EP400: variants seen among roughly 807,000 people sequenced by gnomAD.
EP400 encodes E1A-binding protein p400.
EP400 carries 105 observed loss-of-function variants against 354.1 expected under a neutral mutation model. The observed-to-expected ratio is 0.30, with a 90% CI of 0.25 to 0.35. The LOEUF is 0.35. EP400 is among the 10% of genes least tolerant of loss of function. EP400 has a pLI of 1.00. For missense variants in EP400, 3,280 were observed against 4,121.0 expected, an observed-to-expected ratio of 0.80 and a Z score of 5.59; for synonymous variants, 1,646 against 1,716.9, an observed-to-expected ratio of 0.96 and a Z score of 1.02.
chr12:132,065,470 G>C (rs112350839), intron 48 of EP400: 3,703 of 155,040 alleles, frequency 0.024, 161 homozygotes, highest in African/African-American at 0.084. Context: ...CTCACCCTGA[G>C]CTAGACTTTG....
At chr12:131,984,025 C>T (rs990645397) in intron 5 of EP400, among the ~76,000 whole-genome samples, 6 of 151,954 alleles carry the variant, frequency 3.9e-5, no homozygotes, top group Admixed American at 1.3e-4. Context: ...CCTCAGCTCC[C>T]GAGTAGCTGG....
At position 132,013,993 on chromosome 12, in the gene EP400, G is replaced by A; in HGVS notation, c.3923+80G>A. ...AACGGCCCTTTCTGTGGCCTCAGCA[G>A]AAAGCTCCTTTCCGCAAGGATTGGG... On this transcript the variant is annotated intron_variant, in intron 19 of 52. Coordinates refer to ENST00000389561, the MANE Select transcript of EP400 (RefSeq NM_015409.5). The surrounding 1 kb of genome is among the most constrained non-coding windows in gnomAD (Gnocchi z 4.5). 2 of 1,562,852 alleles carry A rather than the reference G, an allele frequency of 1.3e-6. No homozygotes were observed. Among genetic ancestry groups the A allele is most frequent in the Non-Finnish European group, 1.7e-6 (2 of 1,154,306 alleles).
At chr12:132,057,040 T>C (rs1895537343) in intron 45 of EP400, among the ~76,000 whole-genome samples, 1 of 152,178 alleles carries the variant, frequency 6.6e-6, no homozygotes, top group Admixed American at 6.5e-5. Flanking sequence ...CTGGCAGTCA[T>C]GGAAGCAGCG....
At chr12:132,011,709 T>G in intron 16 of EP400, 75 bp downstream of exon 16, 1 of 1,465,772 alleles carries the variant, frequency 6.8e-7, no homozygotes, top group Non-Finnish European at 9.2e-7. Context: ...CATTAAAAAA[T>G]GTGAAGACAT....
intron 30 of EP400, among the ~76,000 whole-genome samples, chr12:132,032,827 T>C (rs1228450754): frequency 6.6e-6 from 1 of 152,036 alleles, no homozygotes; most frequent in Non-Finnish European, 1.5e-5. Flanking sequence ...GACGGAGTTT[T>C]ACCACATTGG....
intron 2 of EP400, among the ~76,000 whole-genome samples, chr12:131,979,199 G>A (rs1298590104): frequency 6.7e-6 from 1 of 149,312 alleles, no homozygotes; most frequent in Non-Finnish European, 1.5e-5. Context: ...GTGACAGAGC[G>A]AGACTCCGTC....
chr12:132,056,698 C>G (rs1006198376), intron 45 of EP400, among the ~76,000 whole-genome samples: 1 of 152,190 alleles, frequency 6.6e-6, no homozygotes, highest in Non-Finnish European at 1.5e-5. Context: ...GCAGAGATTT[C>G]TTAGGATACC....
Position 132,013,450 on chromosome 12 carries a change from G to A in EP400, c.3612-40G>A. 6.6e-7 allele frequency: 1 copy of A among 1,522,084 alleles called. No homozygotes were observed. Among genetic ancestry groups the A allele is most frequent in the Non-Finnish European group, 8.8e-7 (1 of 1,134,992 alleles). The allele number at this position is 1,522,084 out of a possible 1,614,324, so 94.3% of individuals were successfully genotyped here. A position where few individuals can be genotyped will look rare whatever the true frequency, so the allele number is the denominator to read the frequency against. ...AAGATGCTGCTGCAGCCAGCCCCGT[G>A]GCTGTAGAACTCCAGTGTTGTCTCT... is the stretch of plus-strand genomic sequence containing the variant. On this transcript the variant is annotated intron_variant, in intron 17 of 52. Coordinates refer to ENST00000389561, the MANE Select transcript of EP400 (RefSeq NM_015409.5). The surrounding 1 kb of genome is among the most constrained non-coding windows in gnomAD (Gnocchi z 4.5).
intron 2 of EP400, among the ~76,000 whole-genome samples, chr12:131,967,738 A>G (rs912598995): frequency 1.3e-5 from 2 of 151,934 alleles, no homozygotes; most frequent in African/African-American, 4.8e-5. Flanking sequence ...ACTTTCTCAA[A>G]GTGCCTGTAC....
In EP400 at chr12:132,027,665, A is replaced by G; in HGVS notation, c.5109+134A>G. 1.3e-6 allele frequency: 1 copy of G among 748,832 alleles called. No homozygotes were observed. Among genetic ancestry groups the G allele is most frequent in the Admixed American group, 3.3e-5 (1 of 30,268 alleles). 46.4% of individuals were successfully genotyped at this position (748,832 alleles called of 1,614,324 possible). On this transcript the variant is annotated intron_variant, in intron 26 of 52. Coordinates refer to ENST00000389561, the MANE Select transcript of EP400 (RefSeq NM_015409.5). This position sits in a 1 kb window ranked among gnomAD's most constrained non-coding sequence, Gnocchi z 4.9. Reference sequence around the variant, plus strand: ...TGTTACTGAATTCTTATTTTAAAACACACATTTTCTAATAAAATAAATGAA... The same window carrying G: ...TGTTACTGAATTCTTATTTTAAAACGCACATTTTCTAATAAAATAAATGAA...
chr12:132,051,920 G>T (rs1277380435), intron 41 of EP400, among the ~76,000 whole-genome samples: 2 of 152,150 alleles, frequency 1.3e-5, no homozygotes, highest in African/African-American at 4.8e-5. Flanking sequence ...CTTCCCAGAC[G>T]CTGGCGTTAC....
At chr12:132,043,970 C>T (rs1467797583) in intron 34 of EP400, among the ~76,000 whole-genome samples, 1 of 152,158 alleles carries the variant, frequency 6.6e-6, no homozygotes, top group Non-Finnish European at 1.5e-5. Flanking sequence ...CTTGTTCTAC[C>T]CCTGTAGGGA....
chr12:131,969,151 T>C (rs1892206004), intron 2 of EP400, among the ~76,000 whole-genome samples: 1 of 152,186 alleles, frequency 6.6e-6, no homozygotes, highest in Non-Finnish European at 1.5e-5. Context: ...TAACTGTAGA[T>C]TTTGCAGATG....
chr12:131,986,168 G>A (rs1337707350), intron 5 of EP400, among the ~76,000 whole-genome samples: 1 of 151,716 alleles, frequency 6.6e-6, no homozygotes, highest in Admixed American at 6.6e-5. Context: ...TAGAGATGGG[G>A]TCTTTCTTTG....
chr12:131,977,869 G>A (rs1892537945), intron 2 of EP400, among the ~76,000 whole-genome samples: 1 of 152,192 alleles, frequency 6.6e-6, no homozygotes, highest in African/African-American at 2.4e-5. Context: ...TGGTGGCTGT[G>A]TGGTGGCCCT....
In EP400 at chr12:132,017,844, C is replaced by A; in HGVS notation, c.4110+123C>A. 1.8e-6 allele frequency: 2 copies of A among 1,089,392 alleles called. No homozygotes were observed. Among genetic ancestry groups the A allele is most frequent in the Non-Finnish European group, 2.6e-6 (2 of 779,478 alleles). 67.5% of individuals were successfully genotyped at this position (1,089,392 alleles called of 1,614,324 possible). Reference sequence around the variant, plus strand: ...TTCTGCAATTGCAATTGCAGCTCCGCGATACATGGCACCGTCTAGCAGCAC... The same window carrying A: ...TTCTGCAATTGCAATTGCAGCTCCGAGATACATGGCACCGTCTAGCAGCAC... On this transcript the variant is annotated intron_variant, in intron 20 of 52. Transcript: ENST00000389561. The surrounding 1 kb of genome is among the most constrained non-coding windows in gnomAD (Gnocchi z 5.0).
chr12:132,037,970 G>A lies in EP400; in HGVS notation c.6081G>A (p.Leu2027=), dbSNP rs911118204. The A allele has an allele frequency of 1.9e-6, 3 of 1,614,230 alleles. No homozygotes were observed. The South Asian group carries it at 3.3e-5, about 18-fold the overall frequency. ...GTGTTCAGCGAACCATCCAGGAGCT[G>A]TTTGAAGTTTATTCTCCCATGGATG... ...AFLTQRTIQE[L]FEVYSPMDDA... is the part of the protein sequence containing the mutation. The change falls in exon 32 of 53, where the codon CTG becomes CTA. Residue 2027 remains leucine, a synonymous_variant. Coordinates refer to ENST00000389561, the MANE Select transcript of EP400 (RefSeq NM_015409.5).
At chr12:132,020,984 A>G (rs1894104148) in intron 22 of EP400, 95 bp from the exon 23 acceptor site, 2 of 1,416,486 alleles carry the variant, frequency 1.4e-6, no homozygotes, top group East Asian at 2.7e-5. Flanking sequence ...GACGGTGTGA[A>G]ATGTTTATTT....
At chr12:132,043,263 A>T (rs1214255721) in intron 32 of EP400, 41 bp from the exon 33 acceptor site, 1 of 1,580,860 alleles carries the variant, frequency 6.3e-7, no homozygotes, top group East Asian at 2.3e-5. Context: ...ACCCTCATTT[A>T]AAAAGTCTAT....
Sources: gnomAD v4.1 joint callset for allele counts (sites outside exome capture counted in the v4.1 genomes callset) on GRCh38, gnomAD v4.1.1 for gene constraint, Gnocchi (gnomAD v3.1) non-coding constraint, MANE v1.5 for transcripts, NCBI Gene and HGNC (gene_info 2026-07-23, HGNC 2026-07-21) for gene names.